The following PAPPA2 variants were observed in gnomAD, a reference collection of about 807,000 sequenced individuals.
PAPPA2 encodes pappalysin 2.
PAPPA2 carries 86 observed loss-of-function variants against 176.4 expected under a neutral mutation model. The observed-to-expected ratio is 0.49, with a 90% CI of 0.41 to 0.58. The LOEUF is 0.58. PAPPA2 is among the 20% of genes least tolerant of loss of function. The pLI, the probability that PAPPA2 is intolerant of heterozygous loss-of-function variation, is 0.00. For missense variants in PAPPA2, 2,073 were observed against 2,256.9 expected (o/e 0.92, Z 1.65); for synonymous variants, 809 against 852.2 (o/e 0.95, Z 0.88).
At position 176,529,687 on chromosome 1, in the gene PAPPA2, G is replaced by A. The variant is rs147624028; in HGVS notation, c.-916-25720G>A. Among the ~76,000 whole-genome samples, 714 of 152,232 alleles carry A rather than the reference G, an allele frequency of 4.7e-3. 6 individuals carry two copies. The highest frequency in any genetic ancestry group is 0.017 in the African/African-American group (693 of 41,548). ...GACGTTGCATTCTCCATCCCAAACAGGACACCTGGAGAAAAATGATTTTGT... is the reference window on the plus strand; with the variant it reads ...GACGTTGCATTCTCCATCCCAAACAAGACACCTGGAGAAAAATGATTTTGT... On this transcript the variant is annotated intron_variant, in intron 1 of 22. Coordinates refer to ENST00000367662, the MANE Select transcript of PAPPA2 (RefSeq NM_020318.3).
At chr1:176,723,526 T>C (rs1661723373) in intron 12 of PAPPA2, among the ~76,000 whole-genome samples, 1 of 152,112 alleles carries the variant, frequency 6.6e-6, no homozygotes, top group Admixed American at 6.6e-5. Context: ...TCTGACTCTT[T>C]ATTCTTCCTT....
At chr1:176,648,149 ACTT>A (rs1657520029) in intron 3 of PAPPA2, among the ~76,000 whole-genome samples, 1 of 151,392 alleles carries the variant, frequency 6.6e-6, no homozygotes, top group South Asian at 2.1e-4. Flanking sequence ...TAGACTTTTA[ACTT>A]CTTTGGTTAA....
chr1:176,730,701 T>C (rs1263738530), intron 12 of PAPPA2, among the ~76,000 whole-genome samples: 1 of 152,040 alleles, frequency 6.6e-6, no homozygotes, highest in Non-Finnish European at 1.5e-5. Flanking sequence ...GGTTTTGGTG[T>C]TGAAATGTTT....
In PAPPA2 at chr1:176,771,197, T is replaced by A; in HGVS notation, c.4715+17T>A. 1 of 1,610,730 alleles carries A rather than the reference T, an allele frequency of 6.2e-7. No individual in the cohort carries two copies. Among genetic ancestry groups the A allele is most frequent in the Non-Finnish European group, 8.5e-7 (1 of 1,176,952 alleles). On this transcript the variant is annotated intron_variant, in intron 17 of 22. Transcript: ENST00000367662. ...AGTCAGGAAGTAAGTTGAATGTTCC[T>A]GGTCTTTGGAGTTCTACCTACCTCG...
chr1:176,634,465 A>G (rs369891213), intron 3 of PAPPA2, among the ~76,000 whole-genome samples: 3 of 152,182 alleles, frequency 2.0e-5, no homozygotes, highest in Admixed American at 2.0e-4. Context: ...GGGGAGGGAT[A>G]GCATTAGGAG....
intron 17 of PAPPA2, among the ~76,000 whole-genome samples, chr1:176,779,124 T>C (rs1252929028): frequency 6.6e-6 from 1 of 152,244 alleles, no homozygotes; most frequent in African/African-American, 2.4e-5. Context: ...TAAAACTTTC[T>C]GTTTTATATT....
intron 3 of PAPPA2, among the ~76,000 whole-genome samples, chr1:176,614,567 G>T (rs1655103460): frequency 6.6e-6 from 1 of 152,086 alleles, no homozygotes; most frequent in African/African-American, 2.4e-5. Flanking sequence ...TGACTAAGCA[G>T]GGTTTCAAGT....
chr1:176,832,295 G>T (rs1242013833), intron 21 of PAPPA2, among the ~76,000 whole-genome samples: 1 of 152,168 alleles, frequency 6.6e-6, no homozygotes. Flanking sequence ...AATTTTCTCA[G>T]ATTCTGATTG....
At chr1:176,489,854 TA>T (rs1652812884) in intron 1 of PAPPA2, among the ~76,000 whole-genome samples, 1 of 152,200 alleles carries the variant, frequency 6.6e-6, no homozygotes, top group Admixed American at 6.5e-5. Context: ...ATTAATTCCT[TA>T]AAAGCAAGGA....
chr1:176,624,405 T>A (rs1302008087), intron 3 of PAPPA2, among the ~76,000 whole-genome samples: 1 of 152,204 alleles, frequency 6.6e-6, no homozygotes. Flanking sequence ...AATTCCCAAA[T>A]AGCAGAATGC....
chr1:176,837,935 T>G (rs2102990689), intron 21 of PAPPA2, among the ~76,000 whole-genome samples: 1 of 151,930 alleles, frequency 6.6e-6, no homozygotes, highest in East Asian at 1.9e-4. Flanking sequence ...GAGGGTGGAG[T>G]GGTTGATTTT....
At chr1:176,662,327 T>C (rs184942922) in intron 3 of PAPPA2, among the ~76,000 whole-genome samples, 3 of 152,298 alleles carry the variant, frequency 2.0e-5, no homozygotes, top group African/African-American at 7.2e-5. Context: ...CAGTCAGGAC[T>C]GAATTAATTG....
chr1:176,801,601 G>A (rs1044728337), intron 21 of PAPPA2, among the ~76,000 whole-genome samples: 8 of 152,180 alleles, frequency 5.3e-5, no homozygotes, highest in Non-Finnish European at 1.2e-4. Context: ...GGGTGGGGAC[G>A]CGGGAGAGAG....
intron 1 of PAPPA2, among the ~76,000 whole-genome samples, chr1:176,463,745 C>T (rs1651485564): frequency 6.6e-6 from 1 of 152,178 alleles, no homozygotes. Flanking sequence ...GAGCTGGCAA[C>T]TCCAGTTCTC....
intron 3 of PAPPA2, among the ~76,000 whole-genome samples, chr1:176,622,721 T>C (rs2102693778): frequency 6.6e-6 from 1 of 152,330 alleles, no homozygotes; most frequent in South Asian, 2.1e-4. Context: ...TATGATATAG[T>C]GGGACTTTCA....
intron 7 of PAPPA2, 59 bp downstream of exon 7, chr1:176,695,918 G>T: frequency 6.3e-7 from 1 of 1,594,986 alleles, no homozygotes; most frequent in South Asian, 1.1e-5. Context: ...TGGGGGTGGA[G>T]GTAAAGAGTG....
chr1:176,691,325 G>T, intron 5 of PAPPA2: 1 of 314,956 alleles, frequency 3.2e-6, no homozygotes, highest in African/African-American at 2.2e-5. Context: ...TTTGAAGGGA[G>T]GAAAGCGTGA....
chr1:176,711,999 T>G lies in PAPPA2; in HGVS notation c.3798+18T>G. 1 of 1,603,472 alleles carries G rather than the reference T, an allele frequency of 6.2e-7. No homozygotes were observed. The highest frequency in any genetic ancestry group is 8.5e-7 in the Non-Finnish European group (1 of 1,171,642). ...GGCTCAAAGTAAGTGGCCCAAATGT[T>G]TCTTTTGTGCATGTGAAAGGTGTAA... is the stretch of plus-strand genomic sequence containing the variant. On this transcript the variant is annotated intron_variant, in intron 12 of 22. Transcript: ENST00000367662.
intron 9 of PAPPA2, among the ~76,000 whole-genome samples, chr1:176,705,922 A>G (rs371993692): frequency 6.6e-6 from 1 of 152,216 alleles, no homozygotes; most frequent in Non-Finnish European, 1.5e-5. Context: ...CAATGAAAAC[A>G]TAAAGAAATA....
Sources: allele counts gnomAD v4.1 joint callset (sites outside exome capture counted in the v4.1 genomes callset), GRCh38; gene constraint gnomAD v4.1.1; transcripts MANE v1.5; gene names NCBI Gene and HGNC (gene_info 2026-07-23, HGNC 2026-07-21).